Variants in CERS6 observed in about 807,000 individuals in gnomAD.
CERS6 encodes the protein LAG1 homolog, ceramide synthase 6.
In CERS6, 26 loss-of-function variants were observed where a neutral mutation model predicts 56.8. That is an observed-to-expected ratio of 0.46 (90% confidence interval 0.34 to 0.63). The LOEUF (loss-of-function observed/expected upper bound fraction) is 0.63, where lower values mean the gene tolerates loss of function less well. Ranked by LOEUF, CERS6 falls within the 30% of genes least tolerant of loss-of-function variation. The pLI is 0.01. For synonymous variants in CERS6, 164 were observed against 173.3 expected (o/e 0.95, Z 0.42); for missense variants, 415 against 467.5 (o/e 0.89, Z 1.04).
intron 6 of CERS6, among the ~76,000 whole-genome samples, chr2:168,698,609 A>G (rs775550180): frequency 2.0e-5 from 3 of 152,126 alleles, no homozygotes; most frequent in Non-Finnish European, 4.4e-5. Flanking sequence ...GCCCCTTCAT[A>G]TTTGGGGATT....
intron 4 of CERS6, among the ~76,000 whole-genome samples, chr2:168,651,088 G>A (rs759430083): frequency 1.3e-5 from 2 of 152,142 alleles, no homozygotes; most frequent in African/African-American, 2.4e-5. Flanking sequence ...CAGTAAATCT[G>A]TGCTGAAATT....
In CERS6 at chr2:168,654,137, A is replaced by C. The variant is rs553335722; in HGVS notation, c.465+23095A>C. On this transcript the variant is annotated intron_variant, in intron 4 of 9. Coordinates refer to ENST00000305747, the MANE Select transcript of CERS6 (RefSeq NM_203463.3). Reference sequence around the variant, plus strand: ...AGTTGATATAGTAATATCCTATAGAATATTAGGTAAAATGATTTAGATTTT... The same window carrying C: ...AGTTGATATAGTAATATCCTATAGACTATTAGGTAAAATGATTTAGATTTT... 2.6e-4 allele frequency among the ~76,000 whole-genome samples: 39 copies of C among 152,342 alleles called. No individual in the cohort carries two copies. In the South Asian group the frequency reaches 8.1e-3, roughly 32 times the overall value.
intron 8 of CERS6, among the ~76,000 whole-genome samples, chr2:168,735,976 C>T (rs946296347): frequency 2.0e-5 from 3 of 151,382 alleles, no homozygotes; most frequent in African/African-American, 2.4e-5. Context: ...GACACTGAGG[C>T]GAAAGGACTG....
At chr2:168,730,626 G>T (rs1307696509) in intron 8 of CERS6, among the ~76,000 whole-genome samples, 3 of 152,166 alleles carry the variant, frequency 2.0e-5, no homozygotes, top group Non-Finnish European at 4.4e-5. Context: ...TTACTGTGTT[G>T]TCAATTAGGT....
intron 8 of CERS6, among the ~76,000 whole-genome samples, chr2:168,738,530 A>G (rs1174128848): frequency 2.0e-5 from 3 of 152,248 alleles, no homozygotes; most frequent in Non-Finnish European, 1.5e-5. Context: ...AAACTCTATC[A>G]TACTGTTACC....
intron 9 of CERS6, chr2:168,766,367 T>C: frequency 6.3e-7 from 1 of 1,596,218 alleles, no homozygotes; most frequent in Non-Finnish European, 8.5e-7. Flanking sequence ...CTCCTCTCTC[T>C]CTATCCCTGT....
At chr2:168,713,356 T>C (rs940951912) in intron 6 of CERS6, among the ~76,000 whole-genome samples, 1 of 152,186 alleles carries the variant, frequency 6.6e-6, no homozygotes, top group Admixed American at 6.5e-5. Flanking sequence ...ATGAAGAGTC[T>C]ATGGGGAATA....
At chr2:168,495,086 C>T (rs1342026770) in intron 1 of CERS6, among the ~76,000 whole-genome samples, 1 of 152,034 alleles carries the variant, frequency 6.6e-6, no homozygotes, top group African/African-American at 2.4e-5. Flanking sequence ...ATAGTTTGGC[C>T]CATGGGATGG....
chr2:168,655,026 C>A (rs1393013561), intron 4 of CERS6, among the ~76,000 whole-genome samples: 3 of 152,090 alleles, frequency 2.0e-5, no homozygotes, highest in Non-Finnish European at 2.9e-5. Flanking sequence ...ACAGTACTTA[C>A]AACTCAACAG....
At chr2:168,614,726 A>G (rs1484949808) in intron 3 of CERS6, among the ~76,000 whole-genome samples, 2 of 152,110 alleles carry the variant, frequency 1.3e-5, no homozygotes, top group Non-Finnish European at 2.9e-5. Context: ...CTCCTGCCCA[A>G]GGAGAGTCAG....
intron 1 of CERS6, among the ~76,000 whole-genome samples, chr2:168,505,736 C>T (rs1045354547): frequency 6.6e-6 from 1 of 152,162 alleles, no homozygotes; most frequent in Non-Finnish European, 1.5e-5. Flanking sequence ...CTTGTCTCCC[C>T]ACAGTACCCC....
chr2:168,721,807 A>G (rs911481988), intron 8 of CERS6, among the ~76,000 whole-genome samples: 1 of 151,804 alleles, frequency 6.6e-6, no homozygotes, highest in Non-Finnish European at 1.5e-5. Context: ...ATTTGTAGAG[A>G]CGGGGTCTCA....
At chr2:168,765,869 C>G (rs928254155) in intron 9 of CERS6, 121 bp downstream of exon 9, 1 of 885,468 alleles carries the variant, frequency 1.1e-6, no homozygotes, top group Admixed American at 3.1e-5. Flanking sequence ...CAGAATTGAG[C>G]AAAAATTGAG....
chr2:168,588,120 A>C (rs1324016747), intron 3 of CERS6, among the ~76,000 whole-genome samples: 1 of 138,978 alleles, frequency 7.2e-6, no homozygotes, highest in South Asian at 2.2e-4. Context: ...ATCTCTCTCT[A>C]TGTTGCCCAT....
chr2:168,648,776 A>G (rs1685268110), intron 4 of CERS6, among the ~76,000 whole-genome samples: 1 of 151,808 alleles, frequency 6.6e-6, no homozygotes. Context: ...TAATTTCTTT[A>G]TTTCCATGTA....
Position 168,510,551 on chromosome 2 carries a change from G to A in CERS6, c.171-37045G>A, listed in dbSNP as rs113208790. Among the ~76,000 whole-genome samples, 521 of 152,286 alleles carry A rather than the reference G, an allele frequency of 3.4e-3. 2 individuals carry two copies. Among genetic ancestry groups the A allele is most frequent in the Non-Finnish European group, 6.1e-3 (418 of 68,006 alleles). ...TGAGTACACTCTGTGTTGTTTGCAC[G>A]ATAAAATTGCCTGACAGTGCATTTC... On this transcript the variant is annotated intron_variant, in intron 1 of 9. Transcript: ENST00000305747.
At chr2:168,767,553 G>A (rs1684755664) in intron 9 of CERS6, among the ~76,000 whole-genome samples, 1 of 152,144 alleles carries the variant, frequency 6.6e-6, no homozygotes, top group African/African-American at 2.4e-5. Context: ...GATGGCCTGT[G>A]TGAGTTCAGT....
chr2:168,575,494 G>GC (rs1225588325), intron 3 of CERS6, among the ~76,000 whole-genome samples: 1 of 151,940 alleles, frequency 6.6e-6, no homozygotes, highest in East Asian at 1.9e-4. Flanking sequence ...TCAGCAAACT[G>GC]CCCCCATGAA....
At chr2:168,493,146 T>C (rs574705532) in intron 1 of CERS6, among the ~76,000 whole-genome samples, 1 of 152,340 alleles carries the variant, frequency 6.6e-6, no homozygotes, top group South Asian at 2.1e-4. Flanking sequence ...TCTGTTCTTT[T>C]GAAACTGGAT....
Sources: allele counts gnomAD v4.1 joint callset (sites outside exome capture counted in the v4.1 genomes callset), GRCh38; gene constraint gnomAD v4.1.1; transcripts MANE v1.5; gene names NCBI Gene and HGNC (gene_info 2026-07-23, HGNC 2026-07-21).